The following ST3GAL3 variants were observed in gnomAD, a reference collection of about 807,000 sequenced individuals.
ST3GAL3 encodes CMP-N-acetylneuraminate-beta-1,4-galactoside alpha-2,3-sialyltransferase.
ST3GAL3 carries 21 observed loss-of-function variants against 50.1 expected under a neutral mutation model. The observed-to-expected ratio is 0.42, with a 90% confidence interval of 0.30 to 0.60. The LOEUF (loss-of-function observed/expected upper bound fraction) is 0.60. Ranked by LOEUF, ST3GAL3 falls within the 20% of genes least tolerant of loss-of-function variation. The pLI, the probability that ST3GAL3 is intolerant of heterozygous loss-of-function variation, is 0.19. For synonymous variants in ST3GAL3, 183 were observed against 190.0 expected, an observed-to-expected ratio of 0.96 and a Z score of 0.30; for missense variants, 353 against 489.4, an observed-to-expected ratio of 0.72 and a Z score of 2.63.
At chr1:43,888,989 C>T (rs2485996) in intron 5 of ST3GAL3, among the ~76,000 whole-genome samples, 87,180 of 151,996 alleles carry the variant, frequency 0.57, 28,956 homozygotes, top group Non-Finnish European at 0.75. Flanking sequence ...TTCATTGTAA[C>T]CACTACTAGT....
chr1:43,793,485 A>G (rs944633620), intron 3 of ST3GAL3, among the ~76,000 whole-genome samples: 1 of 152,214 alleles, frequency 6.6e-6, no homozygotes, highest in Non-Finnish European at 1.5e-5. Context: ...AACAGCTTTG[A>G]TATCTTTAAT....
chr1:43,872,249 A>AG (rs2073114791), intron 5 of ST3GAL3, among the ~76,000 whole-genome samples: 1 of 10,158 alleles, frequency 9.8e-5, no homozygotes. Flanking sequence ...GAGGGAGGAG[A>AG]GGTGTGGGGG....
intron 9 of ST3GAL3, among the ~76,000 whole-genome samples, chr1:43,916,454 C>T (rs557424553): frequency 5.3e-5 from 8 of 152,220 alleles, no homozygotes; most frequent in Middle Eastern, 3.4e-3. Flanking sequence ...TCCCAGGTTG[C>T]TGGTTTGGAA....
At chr1:43,820,921 C>T (rs1172795604) in intron 4 of ST3GAL3, among the ~76,000 whole-genome samples, 1 of 152,088 alleles carries the variant, frequency 6.6e-6, no homozygotes, top group African/African-American at 2.4e-5. Flanking sequence ...AATAGTAATA[C>T]CAAGGATGAG....
chr1:43,883,582 T>C (rs1429151314), intron 5 of ST3GAL3, among the ~76,000 whole-genome samples: 1 of 152,252 alleles, frequency 6.6e-6, no homozygotes, highest in South Asian at 2.1e-4. Flanking sequence ...CTGTGCAGTA[T>C]TTGCATCTCA....
At chr1:43,875,926 CTTCTTCTTCTTCTTCTTCTTCTTCTTA>C (rs1181958669) in intron 5 of ST3GAL3, among the ~76,000 whole-genome samples, 2,429 of 88,938 alleles carry the variant, frequency 0.027, 39 homozygotes, top group Admixed American at 0.085. Flanking sequence ...TCTTCTTCTT[CTTCTTCTTCTTCTTCTTCTTCTTCTTA>C]TTATTATTAT....
chr1:43,742,218 T>A (rs547197574), intron 2 of ST3GAL3, among the ~76,000 whole-genome samples: 1 of 152,232 alleles, frequency 6.6e-6, no homozygotes, highest in South Asian at 2.1e-4. Flanking sequence ...TCATTAACAC[T>A]TTGTTAACAC....
chr1:43,727,542 A>G (rs1462402055), intron 1 of ST3GAL3, among the ~76,000 whole-genome samples: 1 of 152,250 alleles, frequency 6.6e-6, no homozygotes. Flanking sequence ...CTGAAGAATC[A>G]GTAGAAATTA....
intron 9 of ST3GAL3, among the ~76,000 whole-genome samples, chr1:43,900,188 C>T (rs1406363363): frequency 3.3e-5 from 5 of 152,204 alleles, no homozygotes; most frequent in Non-Finnish European, 7.4e-5. Context: ...GGGTCCCTGC[C>T]CTCTTTCTCA....
intron 2 of ST3GAL3, among the ~76,000 whole-genome samples, chr1:43,779,959 C>T (rs1204714278): frequency 6.6e-6 from 1 of 152,180 alleles, no homozygotes; most frequent in African/African-American, 2.4e-5. Context: ...GAGCCTCTGA[C>T]ATGCTCTCTT....
intron 5 of ST3GAL3, among the ~76,000 whole-genome samples, chr1:43,845,174 T>C (rs1487706322): frequency 6.6e-6 from 1 of 151,980 alleles, no homozygotes; most frequent in Non-Finnish European, 1.5e-5. Flanking sequence ...GTAGAGATGG[T>C]GTTTCGCCAT....
At chr1:43,707,887 G>A (rs1662205648) in intron 1 of ST3GAL3, 194 bp downstream of exon 1, 1 of 152,312 alleles carries the variant, frequency 6.6e-6, no homozygotes, top group African/African-American at 2.4e-5. Flanking sequence ...GTACCTGGAT[G>A]ACCTCTCCTG....
chr1:43,828,598 A>T (rs182706752), intron 4 of ST3GAL3, among the ~76,000 whole-genome samples: 90 of 152,288 alleles, frequency 5.9e-4, no homozygotes, highest in Admixed American at 2.6e-3. Flanking sequence ...AACCAAAAAG[A>T]CACCCTTTCC....
In ST3GAL3 at chr1:43,917,515, AATATATAT is replaced by A. The variant is rs2082107717; in HGVS notation, c.745-2888_745-2881del. Among the ~76,000 whole-genome samples the A allele has an allele frequency of 8.3e-5, 6 of 72,188 alleles. No homozygotes were observed. In the South Asian group the frequency reaches 1.7e-3, roughly 20 times the overall value. 47.4% of individuals were successfully genotyped at this position (72,188 alleles called of 152,430 possible). On this transcript the variant is annotated intron_variant, in intron 9 of 11. Coordinates refer to ENST00000347631, the MANE Select transcript of ST3GAL3 (RefSeq NM_006279.5). ...ATATATATAATATATTATATAATAT[AATATATAT>A]TATATTATATAATATATTATGTATT...
At chr1:43,867,331 G>A (rs2071586322) in intron 5 of ST3GAL3, among the ~76,000 whole-genome samples, 2 of 152,220 alleles carry the variant, frequency 1.3e-5, no homozygotes, top group African/African-American at 2.4e-5. Flanking sequence ...GGTGCCATTG[G>A]TTGAGGTAGA....
chr1:43,778,032 G>A (rs1697937463), intron 2 of ST3GAL3, among the ~76,000 whole-genome samples: 5 of 152,172 alleles, frequency 3.3e-5, no homozygotes, highest in African/African-American at 2.4e-5. Flanking sequence ...CAACCCAGAT[G>A]CCAATCAATG....
intron 3 of ST3GAL3, among the ~76,000 whole-genome samples, chr1:43,807,431 A>C (rs1190857506): frequency 6.7e-6 from 1 of 149,430 alleles, no homozygotes; most frequent in South Asian, 2.1e-4. Context: ...TAAATAAATA[A>C]ATAAATAAAT....
chr1:43,731,349 C>T (rs1277671677), intron 1 of ST3GAL3, among the ~76,000 whole-genome samples: 2 of 150,336 alleles, frequency 1.3e-5, no homozygotes, highest in East Asian at 2.0e-4. Context: ...GTAGCTGGGA[C>T]TACAGGTGCG....
intron 1 of ST3GAL3, among the ~76,000 whole-genome samples, chr1:43,731,326 C>T (rs1279231164): frequency 6.6e-6 from 1 of 151,984 alleles, no homozygotes. Flanking sequence ...ATTCCCCTGC[C>T]TCAGCGTCCC....
Sources: allele counts gnomAD v4.1 joint callset (sites outside exome capture counted in the v4.1 genomes callset), GRCh38; gene constraint gnomAD v4.1.1; transcripts MANE v1.5; gene names NCBI Gene and HGNC (gene_info 2026-07-23, HGNC 2026-07-21).